The following IQCM variants were observed in gnomAD, a reference collection of about 807,000 sequenced individuals.
IQCM encodes the protein IQ motif containing M.
IQCM carries 45 observed loss-of-function variants against 57.6 expected under a neutral mutation model. The observed-to-expected ratio is 0.78, with a 90% CI of 0.62 to 1.00. IQCM has a LOEUF of 1.00. Ranked by LOEUF, IQCM falls within the 50% of genes least tolerant of loss-of-function variation. The pLI, the probability that IQCM is intolerant of heterozygous loss-of-function variation, is 0.00. For synonymous variants in IQCM, 148 were observed against 158.9 expected, an observed-to-expected ratio of 0.93 and a Z score of 0.51; for missense variants, 468 against 511.6, an observed-to-expected ratio of 0.91 and a Z score of 0.82.
At chr4:149,651,141 C>T (rs957880093) in intron 7 of IQCM, among the ~76,000 whole-genome samples, 1 of 152,102 alleles carries the variant, frequency 6.6e-6, no homozygotes, top group Non-Finnish European at 1.5e-5. Flanking sequence ...GTTAAAGACA[C>T]CCACAGTTGC....
chr4:149,597,242 G>A (rs1753860575), intron 8 of IQCM, among the ~76,000 whole-genome samples: 1 of 151,484 alleles, frequency 6.6e-6, no homozygotes. Context: ...AAACTATGAG[G>A]GATAAAAAAA....
intron 9 of IQCM, among the ~76,000 whole-genome samples, chr4:149,565,916 T>C (rs1214245092): frequency 6.6e-6 from 1 of 152,202 alleles, no homozygotes; most frequent in Non-Finnish European, 1.5e-5. Flanking sequence ...TTCACTCTCT[T>C]GAAAATTTTT....
rs1199022534 is a variant in IQCM, at chr4:149,368,772, A to G, written c.1391-16706T>C. On this transcript the variant is annotated intron_variant, in intron 13 of 13. Transcript: ENST00000636793. ...TATATACATGTATATATATATATAC[A>G]TATATATACATGTATATATATACAT... 7.4e-5 allele frequency among the ~76,000 whole-genome samples: 6 copies of G among 80,992 alleles called. 1 individual carries two copies. The highest frequency in any genetic ancestry group is 3.4e-4 in the East Asian group (1 of 2,968). 53.1% of individuals were successfully genotyped at this position (80,992 alleles called of 152,430 possible).
At chr4:149,434,359 G>T (rs1420325018) in intron 12 of IQCM, among the ~76,000 whole-genome samples, 1 of 152,034 alleles carries the variant, frequency 6.6e-6, no homozygotes, top group East Asian at 1.9e-4. Flanking sequence ...AAAATCTCTG[G>T]TATGCCCATT....
chr4:149,508,787 G>A (rs1744096033), intron 12 of IQCM, among the ~76,000 whole-genome samples: 1 of 152,102 alleles, frequency 6.6e-6, no homozygotes, highest in Admixed American at 6.5e-5. Flanking sequence ...ATTTAGGCAG[G>A]GCCAGGGGTG....
At chr4:149,357,508 G>A (rs192557411) in intron 13 of IQCM, among the ~76,000 whole-genome samples, 37 of 152,180 alleles carry the variant, frequency 2.4e-4, no homozygotes, top group East Asian at 1.9e-4. Flanking sequence ...ATCATCATGC[G>A]GTTTTTGTCT....
intron 5 of IQCM, among the ~76,000 whole-genome samples, chr4:149,689,759 G>A (rs1762813094): frequency 1.3e-5 from 2 of 151,970 alleles, no homozygotes; most frequent in South Asian, 4.1e-4. Flanking sequence ...CCATCAAAAA[G>A]TGGGCTAAGG....
chr4:149,480,616 A>G (rs1740677038), intron 12 of IQCM, among the ~76,000 whole-genome samples: 1 of 152,062 alleles, frequency 6.6e-6, no homozygotes, highest in Non-Finnish European at 1.5e-5. Flanking sequence ...GTTGAATACT[A>G]CTCCATTGTG....
At chr4:149,368,845 T>C (rs1202322807) in intron 13 of IQCM, among the ~76,000 whole-genome samples, 2 of 83,588 alleles carry the variant, frequency 2.4e-5, no homozygotes, top group African/African-American at 4.5e-5. Flanking sequence ...TATATATACA[T>C]ATATATACAT....
At chr4:149,420,235 A>G (rs1734030687) in intron 13 of IQCM, among the ~76,000 whole-genome samples, 1 of 152,160 alleles carries the variant, frequency 6.6e-6, no homozygotes, top group African/African-American at 2.4e-5. Context: ...AAGACATGGA[A>G]TCAAACCAAA....
intron 8 of IQCM, among the ~76,000 whole-genome samples, chr4:149,607,256 AG>A (rs1228466712): frequency 1.3e-5 from 2 of 152,144 alleles, no homozygotes; most frequent in Non-Finnish European, 2.9e-5. Flanking sequence ...ACATTTTCAA[AG>A]TGCTGAAGGA....
chr4:149,372,206 T>A (rs1168498753), intron 13 of IQCM, among the ~76,000 whole-genome samples: 1 of 152,150 alleles, frequency 6.6e-6, no homozygotes, highest in Non-Finnish European at 1.5e-5. Context: ...TTCAGATAAA[T>A]ATATTTCAAT....
At chr4:149,535,889 T>C (rs374993268) in intron 12 of IQCM, among the ~76,000 whole-genome samples, 13 of 152,130 alleles carry the variant, frequency 8.5e-5, no homozygotes, top group African/African-American at 2.9e-4. Context: ...GAGGCTTTAA[T>C]AGGCTTTACA....
chr4:149,664,569 A>T (rs1760520048), intron 7 of IQCM, among the ~76,000 whole-genome samples: 1 of 151,976 alleles, frequency 6.6e-6, no homozygotes, highest in Non-Finnish European at 1.5e-5. Context: ...AATCCTCCTC[A>T]TTATGTCTGT....
rs371131228 is a variant in IQCM at position 149,584,820 on chromosome 4, C to T, written c.749+3110G>A. Among the ~76,000 whole-genome samples, 77 of 151,812 alleles carry T rather than the reference C, an allele frequency of 5.1e-4. 3 individuals are homozygous for T. The South Asian group carries it at 0.016, about 31-fold the overall frequency. ...CATTGAAGATTAGGAGAGAAATAAC[C>T]AGGACTCTGACTTATCCACCACTAT... On this transcript the variant is annotated intron_variant, in intron 9 of 13. Coordinates refer to ENST00000636793, the MANE Select transcript of IQCM (RefSeq NM_001363507.2).
chr4:149,587,917 A>G lies in IQCM; in HGVS notation c.749+13T>C. 2 of 1,178,452 alleles carry G rather than the reference A, an allele frequency of 1.7e-6. No individual in the cohort carries two copies. Among genetic ancestry groups the G allele is most frequent in the Non-Finnish European group, 2.1e-6 (2 of 939,722 alleles). 73.0% of individuals were successfully genotyped at this position (1,178,452 alleles called of 1,614,324 possible). The stretch of plus-strand genomic sequence containing the variant: ...GCATTAATTTACACTTTTCTATTAT[A>G]TAAAAGATATACCTGGGTTGTGATT... On this transcript the variant is annotated intron_variant, in intron 9 of 13. Coordinates refer to ENST00000636793, the MANE Select transcript of IQCM (RefSeq NM_001363507.2).
intron 2 of IQCM, among the ~76,000 whole-genome samples, chr4:149,807,377 A>G (rs1044558827): frequency 1.3e-5 from 2 of 152,088 alleles, no homozygotes; most frequent in Non-Finnish European, 2.9e-5. Context: ...CTAGATATCC[A>G]TATGTAGAAG....
intron 3 of IQCM, among the ~76,000 whole-genome samples, chr4:149,740,213 G>A (rs950048371): frequency 6.6e-6 from 1 of 152,132 alleles, no homozygotes; most frequent in African/African-American, 2.4e-5. Context: ...TGGCCACATG[G>A]CTAAGGCCAA....
At chr4:149,651,770 A>G (rs1759201620) in intron 7 of IQCM, among the ~76,000 whole-genome samples, 1 of 152,216 alleles carries the variant, frequency 6.6e-6, no homozygotes, top group African/African-American at 2.4e-5. Flanking sequence ...TCAATCACTT[A>G]GAATGGCTGT....
Sources: gnomAD v4.1 joint callset for allele counts (sites outside exome capture counted in the v4.1 genomes callset) on GRCh38, gnomAD v4.1.1 for gene constraint, MANE v1.5 for transcripts, NCBI Gene and HGNC (gene_info 2026-07-23, HGNC 2026-07-21) for gene names.